Variants in MARCHF1 observed in about 807,000 individuals in gnomAD.
MARCHF1 encodes the protein membrane associated ring-CH-type finger 1.
Under a neutral mutation model 54.2 loss-of-function variants are expected in MARCHF1, and 40 were observed. That is an observed-to-expected ratio of 0.74 (90% CI 0.57 to 0.96). The LOEUF (loss-of-function observed/expected upper bound fraction) is 0.96. MARCHF1 is among the 40% of genes least tolerant of loss of function. The pLI, the probability that MARCHF1 is intolerant of heterozygous loss-of-function variation, is 0.00. For synonymous variants in MARCHF1, 236 were observed against 236.3 expected (o/e 1.00, Z 0.01); for missense variants, 586 against 656.5 (o/e 0.89, Z 1.17).
At chr4:163,831,391 C>T (rs1043201459) in intron 4 of MARCHF1, among the ~76,000 whole-genome samples, 1 of 152,092 alleles carries the variant, frequency 6.6e-6, no homozygotes, top group African/African-American at 2.4e-5. Flanking sequence ...CAAAATCAGC[C>T]TGGGCAACAT....
chr4:163,917,720 C>T (rs1440316218), intron 3 of MARCHF1, among the ~76,000 whole-genome samples: 1 of 152,106 alleles, frequency 6.6e-6, no homozygotes, highest in African/African-American at 2.4e-5. Context: ...ATCAACCCGT[C>T]ACCTAGGTGT....
intron 1 of MARCHF1, among the ~76,000 whole-genome samples, chr4:164,241,866 G>T (rs532733363): frequency 1.9e-4 from 29 of 152,280 alleles, no homozygotes; most frequent in Admixed American, 2.6e-4. Flanking sequence ...AAGGGGTGAC[G>T]GATGGCACCT....
chr4:163,983,909 G>T (rs933935939), intron 3 of MARCHF1, among the ~76,000 whole-genome samples: 3 of 151,668 alleles, frequency 2.0e-5, no homozygotes, highest in African/African-American at 7.3e-5. Context: ...CTGGCCCTGA[G>T]ACTAAATATG....
intron 8 of MARCHF1, among the ~76,000 whole-genome samples, chr4:163,548,346 C>T (rs1399523740): frequency 6.6e-6 from 1 of 151,480 alleles, no homozygotes; most frequent in Non-Finnish European, 1.5e-5. Context: ...CAAATCAACC[C>T]TCAATTATAA....
chr4:163,904,999 C>T (rs1375011783), intron 3 of MARCHF1, among the ~76,000 whole-genome samples: 1 of 151,902 alleles, frequency 6.6e-6, no homozygotes, highest in Admixed American at 6.6e-5. Flanking sequence ...TGCATTACAA[C>T]CTTTTAAAAT....
At chr4:163,684,722 G>A (rs1744214156) in intron 5 of MARCHF1, among the ~76,000 whole-genome samples, 1 of 151,938 alleles carries the variant, frequency 6.6e-6, no homozygotes, top group African/African-American at 2.4e-5. Context: ...TCTTCCCTTT[G>A]CTCCTCCAAT....
chr4:164,367,238 T>A (rs1730903643), intron 1 of MARCHF1, among the ~76,000 whole-genome samples: 1 of 152,102 alleles, frequency 6.6e-6, no homozygotes, highest in Non-Finnish European at 1.5e-5. Context: ...TACTAAATGG[T>A]AATGGTGATC....
At chr4:163,865,831 T>A (rs1418693940) in intron 3 of MARCHF1, among the ~76,000 whole-genome samples, 1 of 151,774 alleles carries the variant, frequency 6.6e-6, no homozygotes, top group Non-Finnish European at 1.5e-5. Context: ...TGGGGATTTT[T>A]ATCATTTATA....
At chr4:163,940,139 T>C (rs1182137704) in intron 3 of MARCHF1, among the ~76,000 whole-genome samples, 2 of 151,998 alleles carry the variant, frequency 1.3e-5, no homozygotes, top group Non-Finnish European at 2.9e-5. Flanking sequence ...TGAGGAAGAG[T>C]GCCCTTACTA....
intron 1 of MARCHF1, among the ~76,000 whole-genome samples, chr4:164,250,026 G>A (rs1418327776): frequency 1.3e-5 from 2 of 152,082 alleles, no homozygotes; most frequent in Non-Finnish European, 2.9e-5. Flanking sequence ...AACCGAGGTA[G>A]TTGAAGTTAT....
chr4:164,253,012 A>G (rs1374121320), intron 1 of MARCHF1, among the ~76,000 whole-genome samples: 1 of 152,136 alleles, frequency 6.6e-6, no homozygotes, highest in African/African-American at 2.4e-5. Context: ...TCCAGCTGAA[A>G]AAGTCCAGTG....
chr4:164,234,635 T>C (rs745938716), intron 1 of MARCHF1, among the ~76,000 whole-genome samples: 4 of 152,134 alleles, frequency 2.6e-5, no homozygotes, highest in African/African-American at 7.2e-5. Context: ...TGGGATCCTT[T>C]TTCAAGCTTT....
rs536732081 is a variant in MARCHF1 at position 163,913,459 on chromosome 4, C to T, written c.-38-59290G>A. ...ATGTTTTTTCAGTGCTCTAGTCTTA[C>T]GTTTAGAACTCTCTTCCTTTATCAA... is the stretch of plus-strand genomic sequence containing the variant. On this transcript the variant is annotated intron_variant, in intron 3 of 9. Transcript: ENST00000514618. Among the ~76,000 whole-genome samples the T allele has an allele frequency of 3.9e-5, 6 of 152,224 alleles. 1 individual carries two copies. Among genetic ancestry groups the T allele is most frequent in the African/African-American group, 1.2e-4 (5 of 41,552 alleles).
In MARCHF1 at chr4:164,053,750, G is replaced by A. The variant is rs149870177; in HGVS notation, c.-248+57838C>T. ...CTAATGCAGGAATCATTTCTTCAAC[G>A]TACAAAACAAACTATATCCAGAGTT... On this transcript the variant is annotated intron_variant, in intron 2 of 9. Transcript: ENST00000514618. Among the ~76,000 whole-genome samples, 925 of 152,112 alleles carry A rather than the reference G, an allele frequency of 6.1e-3. 9 individuals carry two copies. Among genetic ancestry groups the A allele is most frequent in the African/African-American group, 0.021 (876 of 41,486 alleles).
chr4:164,180,479 T>C (rs1730804328), intron 1 of MARCHF1, among the ~76,000 whole-genome samples: 1 of 152,128 alleles, frequency 6.6e-6, no homozygotes, highest in African/African-American at 2.4e-5. Context: ...CAGAGTTGCA[T>C]TGACTGAAAA....
chr4:164,196,035 C>T (rs1437097758), intron 1 of MARCHF1, among the ~76,000 whole-genome samples: 1 of 151,990 alleles, frequency 6.6e-6, no homozygotes, highest in Non-Finnish European at 1.5e-5. Flanking sequence ...TTCATGAATG[C>T]CTTGACTGAT....
intron 4 of MARCHF1, among the ~76,000 whole-genome samples, chr4:163,747,826 G>A (rs565635365): frequency 6.6e-6 from 1 of 152,300 alleles, no homozygotes; most frequent in South Asian, 2.1e-4. Context: ...CTGGACAACT[G>A]CTGGGTCTGT....
chr4:163,841,796 G>T (rs1338939177), intron 4 of MARCHF1, among the ~76,000 whole-genome samples: 1 of 152,052 alleles, frequency 6.6e-6, no homozygotes, highest in Non-Finnish European at 1.5e-5. Flanking sequence ...AGTGTGAAAA[G>T]CTATTTCATT....
intron 3 of MARCHF1, among the ~76,000 whole-genome samples, chr4:163,894,248 T>A (rs1384778609): frequency 6.6e-6 from 1 of 152,122 alleles, no homozygotes; most frequent in Admixed American, 6.6e-5. Flanking sequence ...TTTTCCTCTA[T>A]GTTATTACAG....
Sources: gnomAD v4.1 joint callset for allele counts (sites outside exome capture counted in the v4.1 genomes callset) on GRCh38, gnomAD v4.1.1 for gene constraint, MANE v1.5 for transcripts, NCBI Gene and HGNC (gene_info 2026-07-23, HGNC 2026-07-21) for gene names.